The following TK2 variants were observed in gnomAD, a reference collection of about 807,000 sequenced individuals.
TK2 encodes thymidine kinase 2, also known as thymidine kinase 2, mitochondrial.
In TK2, 35 loss-of-function variants were observed where a neutral mutation model predicts 41.9. The observed-to-expected ratio is 0.84, with a 90% CI of 0.64 to 1.11. The LOEUF (loss-of-function observed/expected upper bound fraction) is 1.11, where lower values mean the gene tolerates loss of function less well. TK2 is among the 50% of genes least tolerant of loss of function. TK2 has a pLI of 0.00. For synonymous variants in TK2, 128 were observed against 129.1 expected, an observed-to-expected ratio of 0.99 and a Z score of 0.06; for missense variants, 320 against 351.1, an observed-to-expected ratio of 0.91 and a Z score of 0.71.
Position 66,517,081 on chromosome 16 carries a change from T to C in TK2, c.618+55A>G. The C allele has an allele frequency of 2.0e-6, 3 of 1,517,154 alleles. No homozygotes were observed. The highest frequency in any genetic ancestry group is 9.2e-7 in the Non-Finnish European group (1 of 1,091,956). The allele number at this position is 1,517,154 out of a possible 1,614,324, so 94.0% of individuals were successfully genotyped here. On this transcript the variant is annotated intron_variant, in intron 8 of 9. Coordinates refer to ENST00000544898, the MANE Select transcript of TK2 (RefSeq NM_004614.5). This position sits in a 1 kb window ranked among gnomAD's most constrained non-coding sequence, Gnocchi z 4.3. ...GGTGGGGCCGGGAGAGGAAGCCGGGTTGGACAGAGGTGGTTTCCCAGTTTG... is the reference window on the plus strand; with the variant it reads ...GGTGGGGCCGGGAGAGGAAGCCGGGCTGGACAGAGGTGGTTTCCCAGTTTG...
In TK2 at chr16:66,514,580, A is replaced by G. The variant is rs1426230257; in HGVS notation, c.619-769T>C. The stretch of plus-strand genomic sequence containing the variant: ...GAGGAGTGTCTCTGCCTGGCCGCCC[A>G]TCGTCTAGGATGTGAGGACCCCTCT... On this transcript the variant is annotated intron_variant, in intron 8 of 9. Transcript: ENST00000544898. The surrounding 1 kb of genome is among the most constrained non-coding windows in gnomAD (Gnocchi z 4.2). Among the ~76,000 whole-genome samples, 2 of 152,050 alleles carry G rather than the reference A, an allele frequency of 1.3e-5. No individual in the cohort carries two copies. The highest frequency in any genetic ancestry group is 2.1e-4 in the South Asian group (1 of 4,824).
At chr16:66,512,141 A>G in intron 9 of TK2, 75 bp from the exon 10 acceptor site, 1 of 1,328,622 alleles carries the variant, frequency 7.5e-7, no homozygotes, top group East Asian at 2.3e-5. Flanking sequence ...GGAGACAGAC[A>G]GATGGAAGCA....
At position 66,510,544 on chromosome 16, in the gene TK2, C is replaced by T. The variant is rs1964421332; in HGVS notation, c.*1424G>A. 6.6e-6 allele frequency: 1 copy of T among 152,310 alleles called. No individual in the cohort carries two copies. The highest frequency in any genetic ancestry group is 1.5e-5 in the Non-Finnish European group (1 of 68,104). 9.4% of individuals were successfully genotyped at this position (152,310 alleles called of 1,614,324 possible). ...GGCCCAGCAGGGGCACTTGGCACCT[C>T]TGCAGAGTCGGAGCATTGCATGCAC... On this transcript the variant is annotated 3_prime_UTR_variant, in exon 10 of 10. Coordinates refer to ENST00000544898, the MANE Select transcript of TK2 (RefSeq NM_004614.5).
At chr16:66,549,606 G>A (rs1965720402) in intron 1 of TK2, 5 of 1,138,768 alleles carry the variant, frequency 4.4e-6, no homozygotes, top group Non-Finnish European at 5.4e-6. Context: ...GCTTAAGGCA[G>A]CTCCCAGTCC....
rs775031607 is a variant in TK2 at position 66,539,602 on chromosome 16, GA to G, written c.231+2276del. 6.0e-3 allele frequency among the ~76,000 whole-genome samples: 297 copies of G among 49,258 alleles called. 1 individual carries two copies. Among genetic ancestry groups the G allele is most frequent in the African/African-American group, 0.014 (191 of 13,754 alleles). 32.3% of individuals were successfully genotyped at this position (49,258 alleles called of 152,430 possible). On this transcript the variant is annotated intron_variant, in intron 3 of 9. Transcript: ENST00000544898. ...GGTGACAGAGCAAGACTCCATCTCAGAAAAAAAAAAAAAAAAAAAAAAGGAA... is the reference window on the plus strand; with the variant it reads ...GGTGACAGAGCAAGACTCCATCTCAGAAAAAAAAAAAAAAAAAAAAAGGAA...
chr16:66,545,639 C>T (rs903231197), intron 2 of TK2, among the ~76,000 whole-genome samples: 5 of 152,096 alleles, frequency 3.3e-5, no homozygotes, highest in South Asian at 2.1e-4. Flanking sequence ...GCCTGGCTAA[C>T]GTGGTGAAAC....
chr16:66,549,794 C>A (rs946037930), intron 1 of TK2, 144 bp downstream of exon 1: 1 of 1,285,372 alleles, frequency 7.8e-7, no homozygotes, highest in Non-Finnish European at 9.8e-7. Flanking sequence ...GGCCGATGGC[C>A]GCCCCCGTCC....
At chr16:66,541,722 G>GT (rs1289034136) in intron 3 of TK2, among the ~76,000 whole-genome samples, 157 bp downstream of exon 3, 3 of 151,950 alleles carry the variant, frequency 2.0e-5, no homozygotes, top group African/African-American at 7.3e-5. Flanking sequence ...GGCCCCTTTT[G>GT]TTTTTTTAAT....
intron 6 of TK2, among the ~76,000 whole-genome samples, chr16:66,523,711 C>T (rs1298621736): frequency 6.6e-6 from 1 of 152,066 alleles, no homozygotes; most frequent in African/African-American, 2.4e-5. Context: ...CGCCTGTAAT[C>T]CCAGCTACTC....
intron 3 of TK2, among the ~76,000 whole-genome samples, chr16:66,539,215 C>T (rs1042469190): frequency 6.6e-5 from 10 of 152,244 alleles, no homozygotes; most frequent in African/African-American, 2.2e-4. Context: ...CCCTCCTCCC[C>T]AGGTTTGATG....
Position 66,510,176 on chromosome 16 carries a change from G to T in TK2, c.*1792C>A, listed in dbSNP as rs534939866. 6.7e-6 allele frequency: 1 copy of T among 148,288 alleles called. No homozygotes were observed. Among genetic ancestry groups the T allele is most frequent in the African/African-American group, 2.5e-5 (1 of 40,080 alleles). 9.2% of individuals were successfully genotyped at this position (148,288 alleles called of 1,614,324 possible). ...AGAGCAAGAAAAAAATCATGGGTAC[G>T]TGGTCTCAGGACCTCTTGAGATTGT... is the stretch of plus-strand genomic sequence containing the variant. On this transcript the variant is annotated 3_prime_UTR_variant, in exon 10 of 10. Transcript: ENST00000544898.
At chr16:66,526,545 T>C (rs1247855349) in intron 6 of TK2, among the ~76,000 whole-genome samples, 1 of 150,866 alleles carries the variant, frequency 6.6e-6, no homozygotes, top group East Asian at 1.9e-4. Context: ...AGCCCAGGAG[T>C]TTGAGACCAG....
chr16:66,515,213 T>G (rs991664708), intron 8 of TK2, among the ~76,000 whole-genome samples: 1 of 149,966 alleles, frequency 6.7e-6, no homozygotes, highest in Admixed American at 6.6e-5. Flanking sequence ...CTTCTCCCAT[T>G]TACTGCCACT....
chr16:66,513,782 A>G lies in TK2; in HGVS notation c.648T>C (p.His216=). 6.2e-7 allele frequency: 1 copy of G among 1,614,038 alleles called. No homozygotes were observed. The highest frequency in any genetic ancestry group is 8.5e-7 in the Non-Finnish European group (1 of 1,180,010). The stretch of plus-strand genomic sequence containing the variant: ...GGCTGCCTTTGATGAGCCACTCCTC[A>G]TGGAGATGGTGAATTGCTTCCAGGT... ...LEYLEAIHHL[H]EEWLIKGSLF... Residue 216 remains histidine (H), a synonymous_variant, in exon 9 of 10, where the codon CAT becomes CAC. Coordinates refer to ENST00000544898, the MANE Select transcript of TK2 (RefSeq NM_004614.5).
intron 4 of TK2, 67 bp from the exon 5 acceptor site, chr16:66,531,536 G>A (rs1820966573): frequency 1.2e-5 from 18 of 1,486,672 alleles, no homozygotes; most frequent in South Asian, 2.3e-5. Flanking sequence ...GGTCTCACAA[G>A]GCACTGAAGG....
At chr16:66,531,763 CATCTT>C (rs1161646528) in intron 4 of TK2, among the ~76,000 whole-genome samples, 1 of 152,208 alleles carries the variant, frequency 6.6e-6, no homozygotes, top group African/African-American at 2.4e-5. Context: ...AGGAAGAAGT[CATCTT>C]AACCTTGTTC....
At chr16:66,536,162 C>A (rs1364914855) in intron 4 of TK2, among the ~76,000 whole-genome samples, 1 of 150,816 alleles carries the variant, frequency 6.6e-6, no homozygotes, top group African/African-American at 2.4e-5. Flanking sequence ...CGAGATCGCG[C>A]CACTGCACTC....
chr16:66,528,866 A>G (rs1178747165), intron 6 of TK2, 128 bp downstream of exon 6: 5 of 881,930 alleles, frequency 5.7e-6, no homozygotes, highest in Non-Finnish European at 7.4e-6. Context: ...GTTACACCGC[A>G]TTGCTATGGC....
intron 2 of TK2, among the ~76,000 whole-genome samples, chr16:66,547,373 G>C (rs1321173967): frequency 6.6e-6 from 1 of 152,154 alleles, no homozygotes; most frequent in African/African-American, 2.4e-5. Flanking sequence ...CGTGCTGGGT[G>C]GGGGTGAGGC....
Sources: allele counts gnomAD v4.1 joint callset (sites outside exome capture counted in the v4.1 genomes callset), GRCh38; gene constraint gnomAD v4.1.1; non-coding constraint Gnocchi (gnomAD v3.1); transcripts MANE v1.5; gene names NCBI Gene and HGNC (gene_info 2026-07-23, HGNC 2026-07-21).